Variants in ZBTB20 observed in about 807,000 individuals in gnomAD.
ZBTB20 encodes the protein zinc finger and BTB domain-containing protein 20.
ZBTB20 carries 9 observed loss-of-function variants against 56.9 expected under a neutral mutation model. The ratio of observed to expected loss-of-function variants is 0.16; its 90% CI spans 0.10 to 0.28. The LOEUF (loss-of-function observed/expected upper bound fraction) is 0.28. Ranked by LOEUF, ZBTB20 falls within the 10% of genes least tolerant of loss-of-function variation. The pLI, the probability that ZBTB20 is intolerant of heterozygous loss-of-function variation, is 1.00. For synonymous variants in ZBTB20, 417 were observed against 420.7 expected (o/e 0.99, Z 0.11); for missense variants, 655 against 1,003.0 (o/e 0.65, Z 4.69).
chr3:114,936,295 C>T (rs2076533411), intron 3 of ZBTB20, among the ~76,000 whole-genome samples: 1 of 152,186 alleles, frequency 6.6e-6, no homozygotes, highest in African/African-American at 2.4e-5. Context: ...CATGCGCACA[C>T]ACACGTATGC....
At position 114,788,497 on chromosome 3, in the gene ZBTB20, T is replaced by C. The variant is rs563630429; in HGVS notation, c.-343+12604A>G. On this transcript the variant is annotated intron_variant, in intron 5 of 11. Transcript: ENST00000675478. Reference sequence around the variant, plus strand: ...GCATATGTCAGAATTTTATTTCTTTTTAAGGAGGAATAATATTCCATTCTA... The same window carrying C: ...GCATATGTCAGAATTTTATTTCTTTCTAAGGAGGAATAATATTCCATTCTA... 1.9e-4 allele frequency among the ~76,000 whole-genome samples: 29 copies of C among 152,286 alleles called. No individual in the cohort carries two copies. The South Asian group carries it at 4.8e-3, about 25-fold the overall frequency.
chr3:114,721,691 T>C (rs2064925219), intron 5 of ZBTB20, among the ~76,000 whole-genome samples: 1 of 152,170 alleles, frequency 6.6e-6, no homozygotes, highest in South Asian at 2.1e-4. Flanking sequence ...CCTGTTCTCC[T>C]AACCCCCACA....
intron 6 of ZBTB20, among the ~76,000 whole-genome samples, chr3:114,671,675 CAG>C (rs1487597768): frequency 6.6e-6 from 1 of 151,164 alleles, no homozygotes; most frequent in African/African-American, 2.4e-5. Context: ...TGGGAATAAC[CAG>C]AGTGTTAAAA....
intron 2 of ZBTB20, among the ~76,000 whole-genome samples, chr3:115,062,455 C>G (rs1320647938): frequency 6.6e-6 from 1 of 152,080 alleles, no homozygotes; most frequent in East Asian, 1.9e-4. Context: ...AAATATCCCC[C>G]CTTTCTATCT....
At chr3:114,710,033 A>C (rs916951066) in intron 5 of ZBTB20, among the ~76,000 whole-genome samples, 1 of 152,184 alleles carries the variant, frequency 6.6e-6, no homozygotes, top group Non-Finnish European at 1.5e-5. Context: ...CCTACACATT[A>C]AACTACAGAA....
chr3:114,925,733 A>G (rs776286196), intron 3 of ZBTB20, among the ~76,000 whole-genome samples: 10 of 152,114 alleles, frequency 6.6e-5, no homozygotes, highest in South Asian at 2.1e-4. Context: ...TCACCATGTT[A>G]GCCAGGATGA....
intron 5 of ZBTB20, among the ~76,000 whole-genome samples, chr3:114,774,928 G>GA (rs939042728): frequency 6.6e-6 from 1 of 151,954 alleles, no homozygotes; most frequent in Non-Finnish European, 1.5e-5. Context: ...GAAAAGAAAA[G>GA]AAAAAACTTC....
chr3:114,513,331 G>T (rs1031518064), intron 6 of ZBTB20, among the ~76,000 whole-genome samples: 4 of 152,116 alleles, frequency 2.6e-5, no homozygotes, highest in Non-Finnish European at 4.4e-5. Context: ...TTCTAAAAAT[G>T]CAGTTTTTGT....
At chr3:115,036,311 T>A (rs577761016) in intron 2 of ZBTB20, among the ~76,000 whole-genome samples, 7 of 152,200 alleles carry the variant, frequency 4.6e-5, no homozygotes, top group Admixed American at 3.3e-4. Context: ...TCTTTCTTTT[T>A]TTTTTCCGAG....
intron 7 of ZBTB20, among the ~76,000 whole-genome samples, chr3:114,485,772 A>G (rs2042048943): frequency 6.6e-6 from 1 of 152,130 alleles, no homozygotes; most frequent in South Asian, 2.1e-4. Context: ...CCTTTGCCAT[A>G]TGAAGATACA....
intron 6 of ZBTB20, among the ~76,000 whole-genome samples, chr3:114,613,139 G>A (rs1208170114): frequency 6.6e-6 from 1 of 152,148 alleles, no homozygotes; most frequent in Non-Finnish European, 1.5e-5. Context: ...TTCCATGAAG[G>A]AAAAGATGAA....
At chr3:114,820,642 C>T (rs921086577) in intron 4 of ZBTB20, among the ~76,000 whole-genome samples, 1 of 152,048 alleles carries the variant, frequency 6.6e-6, no homozygotes, top group African/African-American at 2.4e-5. Flanking sequence ...AAATCAGATA[C>T]CGATAAAAAT....
chr3:114,814,372 C>G (rs2072776122), intron 4 of ZBTB20, among the ~76,000 whole-genome samples: 1 of 151,582 alleles, frequency 6.6e-6, no homozygotes, highest in South Asian at 2.1e-4. Flanking sequence ...ATCTATCTGT[C>G]TCTACTGTAT....
chr3:115,057,275 T>TTA (rs1246087584), intron 2 of ZBTB20, among the ~76,000 whole-genome samples: 3 of 152,058 alleles, frequency 2.0e-5, no homozygotes, highest in Admixed American at 6.6e-5. Context: ...TTTTTTCTCT[T>TTA]TGTCTGCCTT....
intron 10 of ZBTB20, among the ~76,000 whole-genome samples, chr3:114,365,503 T>C (rs1193440656): frequency 6.6e-6 from 1 of 152,040 alleles, no homozygotes; most frequent in Non-Finnish European, 1.5e-5. Flanking sequence ...GGGAACACAG[T>C]GTGTAGGGGG....
At chr3:114,343,960 A>G (rs1281598960) in intron 11 of ZBTB20, among the ~76,000 whole-genome samples, 2 of 152,104 alleles carry the variant, frequency 1.3e-5, no homozygotes, top group South Asian at 2.1e-4. Context: ...GAGGCAGGAG[A>G]ATCACTTGAA....
intron 7 of ZBTB20, among the ~76,000 whole-genome samples, chr3:114,463,249 G>A (rs2092406714): frequency 6.6e-6 from 1 of 152,172 alleles, no homozygotes; most frequent in South Asian, 2.1e-4. Flanking sequence ...TACTGATGTT[G>A]TTATTATTTA....
chr3:114,408,910 AGT>A (rs1491238445), intron 7 of ZBTB20, among the ~76,000 whole-genome samples: 2 of 152,148 alleles, frequency 1.3e-5, no homozygotes, highest in African/African-American at 2.4e-5. Context: ...AGAACTGCCT[AGT>A]GGGAGAGCAG....
In ZBTB20 at chr3:114,565,997, ATTTTTTCTTT is replaced by A. The variant is rs1474516949; in HGVS notation, c.-294-65616_-294-65607del. 1.3e-4 allele frequency among the ~76,000 whole-genome samples: 18 copies of A among 143,864 alleles called. No homozygotes were observed. The South Asian group carries it at 2.9e-3, about 23-fold the overall frequency. 94.4% of individuals were successfully genotyped at this position (143,864 alleles called of 152,430 possible). ...AGAAGTAATTACCAACAATACATAC[ATTTTTTCTTT>A]TTTTTTCTTTTTTTAAAAGAAACCA... On this transcript the variant is annotated intron_variant, in intron 6 of 11. Transcript: ENST00000675478.
Sources: allele counts gnomAD v4.1 joint callset (sites outside exome capture counted in the v4.1 genomes callset), GRCh38; gene constraint gnomAD v4.1.1; transcripts MANE v1.5; gene names NCBI Gene and HGNC (gene_info 2026-07-23, HGNC 2026-07-21).